The following ATF3 variants were observed in gnomAD, a reference collection of about 807,000 sequenced individuals.
The protein encoded by ATF3 is cyclic AMP-dependent transcription factor ATF-3.
ATF3 carries 10 observed loss-of-function variants against 18.4 expected under a neutral mutation model. The ratio of observed to expected loss-of-function variants is 0.54; its 90% CI spans 0.34 to 0.92. The LOEUF is 0.92. Ranked by LOEUF, ATF3 falls within the 40% of genes least tolerant of loss-of-function variation. The probability of loss-of-function intolerance (pLI) is 0.02; values close to 1 mark genes in which losing one functional copy is unlikely to be tolerated. For missense variants in ATF3, 183 were observed against 222.3 expected (o/e 0.82, Z 1.12); for synonymous variants, 78 against 87.9 (o/e 0.89, Z 0.63).
intron 1 of ATF3, among the ~76,000 whole-genome samples, chr1:212,576,734 T>C (rs1056321804): frequency 1.4e-4 from 19 of 131,794 alleles, no homozygotes; most frequent in African/African-American, 4.8e-4. Flanking sequence ...TTTTTTTTTT[T>C]TTTTTTTTTT....
chr1:212,602,101 C>A, intron 1 of ATF3, among the ~76,000 whole-genome samples: 1 of 135,660 alleles, frequency 7.4e-6, no homozygotes, highest in East Asian at 1.9e-4. Context: ...ATAAGACCTT[C>A]TTAAAACTAA....
chr1:212,607,523 T>C (rs964124560), upstream of ATF3, among the ~76,000 whole-genome samples: 5 of 152,228 alleles, frequency 3.3e-5, no homozygotes, highest in Non-Finnish European at 7.3e-5. Context: ...AGGTCTCAGC[T>C]CGAATCTCGG....
rs571814387 is a variant in ATF3 at position 212,614,029 on chromosome 1, C to T, written c.-4-989C>T. On this transcript the variant is annotated intron_variant, in intron 1 of 3. Transcript: ENST00000341491. ...GGCCATTTGATTTGATGACCCCATC[C>T]CCACTTCATTTATCAGTTGGCCAAT... 7 of 152,230 alleles carry T rather than the reference C, an allele frequency of 4.6e-5. 1 individual carries two copies. The South Asian group carries it at 1.5e-3, about 32-fold the overall frequency. The allele number at this position is 152,230 out of a possible 1,614,324, so 9.4% of individuals were successfully genotyped here. A position where few individuals can be genotyped will look rare whatever the true frequency, so the allele number is the denominator to read the frequency against.
At chr1:212,592,035 A>C (rs1318004227) in intron 1 of ATF3, among the ~76,000 whole-genome samples, 2 of 152,214 alleles carry the variant, frequency 1.3e-5, no homozygotes, top group Non-Finnish European at 2.9e-5. Context: ...AACCATTTGC[A>C]AGTGTACAAT....
chr1:212,610,733 C>A (rs1654860612), intron 1 of ATF3, among the ~76,000 whole-genome samples: 1 of 152,148 alleles, frequency 6.6e-6, no homozygotes, highest in Non-Finnish European at 1.5e-5. Context: ...GTGATTGGTA[C>A]CAGGTGCCAG....
At chr1:212,606,617 GT>G (rs1459902873), upstream of ATF3, among the ~76,000 whole-genome samples, 1 of 152,222 alleles carries the variant, frequency 6.6e-6, no homozygotes, top group African/African-American at 2.4e-5. Flanking sequence ...TGGAATCATA[GT>G]TCAACCTGTA....
At chr1:212,601,855 G>T (rs773028898) in intron 1 of ATF3, among the ~76,000 whole-genome samples, 23 of 152,110 alleles carry the variant, frequency 1.5e-4, no homozygotes, top group Non-Finnish European at 2.9e-4. Flanking sequence ...AGCTTCAAGG[G>T]TAAGGCGTGA....
chr1:212,566,771 C>G (rs767508720), intron 1 of ATF3, among the ~76,000 whole-genome samples: 2 of 152,160 alleles, frequency 1.3e-5, no homozygotes, highest in Non-Finnish European at 2.9e-5. Context: ...GAAGCCCATC[C>G]AGGGTCTGGG....
At chr1:212,603,377 G>T (rs1170961391) in intron 1 of ATF3, among the ~76,000 whole-genome samples, 1 of 152,164 alleles carries the variant, frequency 6.6e-6, no homozygotes, top group Admixed American at 6.6e-5. Flanking sequence ...AAAAGCGCCT[G>T]CAGGATTTTT....
upstream of ATF3, among the ~76,000 whole-genome samples, chr1:212,607,379 A>G (rs988814595): frequency 2.6e-5 from 4 of 152,198 alleles, no homozygotes; most frequent in Admixed American, 6.5e-5. Flanking sequence ...CCCAGGCCAC[A>G]CTTGTGTCTA....
At chr1:212,580,548 C>T (rs960000231) in intron 1 of ATF3, among the ~76,000 whole-genome samples, 1 of 152,070 alleles carries the variant, frequency 6.6e-6, no homozygotes, top group Non-Finnish European at 1.5e-5. Flanking sequence ...AGTGATGATC[C>T]ACCTGTTTTC....
rs1655116137 is a variant in ATF3 at position 212,616,201 on chromosome 1, A to ATAATAATACACTTGACTGTT, written c.240+941_240+942insAATAATACACTTGACTGTTT. 2.0e-5 allele frequency among the ~76,000 whole-genome samples: 3 copies of ATAATAATACACTTGACTGTT among 152,150 alleles called. No homozygotes were observed. The South Asian group carries it at 6.2e-4, about 32-fold the overall frequency. On this transcript the variant is annotated intron_variant, in intron 2 of 3. Transcript: ENST00000341491. ...GGTCTTACAGATTATTATTGTATAG[A>ATAATAATACACTTGACTGTT]TGCAGCCCTGGGCTCAAAGTGAGGT... is the stretch of plus-strand genomic sequence containing the variant.
chr1:212,597,249 G>A (rs1326486300), intron 1 of ATF3, among the ~76,000 whole-genome samples: 4 of 152,016 alleles, frequency 2.6e-5, no homozygotes, highest in African/African-American at 9.7e-5. Flanking sequence ...AGAAAAAAGG[G>A]GCCCTTAGAA....
In ATF3 at chr1:212,619,959, T is replaced by G. The variant is rs1655305800; in HGVS notation, c.*404T>G. 3.7e-6 allele frequency: 1 copy of G among 273,556 alleles called. No individual in the cohort carries two copies. The highest frequency in any genetic ancestry group is 7.2e-6 in the Non-Finnish European group (1 of 138,532). 16.9% of individuals were successfully genotyped at this position (273,556 alleles called of 1,614,324 possible). On this transcript the variant is annotated 3_prime_UTR_variant, in exon 4 of 4. Transcript: ENST00000341491. The surrounding 1 kb of genome is among the most constrained non-coding windows in gnomAD (Gnocchi z 4.4). The stretch of plus-strand genomic sequence containing the variant: ...CCTTCACCGTGGCTACCATTGTCAC[T>G]CGTAGGGGATGTGGAGTGAGAACAG...
rs564406462 is a variant in ATF3, at chr1:212,580,346, G to A, written c.-5+14863G>A. Among the ~76,000 whole-genome samples, 83 of 147,028 alleles carry A rather than the reference G, an allele frequency of 5.6e-4. No individual in the cohort carries two copies. In the South Asian group the frequency reaches 0.01, roughly 18 times the overall value. On this transcript the variant is annotated intron_variant, in intron 1 of 3. Transcript: ENST00000366981. ...TTTCCACTTTTTTTTTTTTTGAGAT[G>A]GAGTCTTGCTCTGTTGCCCGTGCAG...
At chr1:212,574,612 G>A (rs1664541331) in intron 1 of ATF3, among the ~76,000 whole-genome samples, 1 of 151,928 alleles carries the variant, frequency 6.6e-6, no homozygotes, top group African/African-American at 2.4e-5. Context: ...ATGATAATGA[G>A]TGTATCTTCC....
chr1:212,611,246 A>G (rs1034373667), intron 1 of ATF3, among the ~76,000 whole-genome samples: 4 of 152,348 alleles, frequency 2.6e-5, no homozygotes, highest in East Asian at 1.9e-4. Flanking sequence ...CTTGGGGTCA[A>G]TGAGAGTACA....
intron 2 of ATF3, among the ~76,000 whole-genome samples, chr1:212,617,566 G>C (rs1655181402): frequency 6.6e-6 from 1 of 152,176 alleles, no homozygotes; most frequent in African/African-American, 2.4e-5. Flanking sequence ...GCTTTGGTTG[G>C]GAATGGGCTT....
intron 1 of ATF3, among the ~76,000 whole-genome samples, chr1:212,597,679 AC>A (rs558921421): frequency 1.3e-5 from 2 of 152,210 alleles, no homozygotes; most frequent in Admixed American, 1.3e-4. Context: ...TCAGAGAGGG[AC>A]CTCAGGTTTC....
Sources: gnomAD v4.1 joint callset for allele counts (sites outside exome capture counted in the v4.1 genomes callset) on GRCh38, gnomAD v4.1.1 for gene constraint, Gnocchi (gnomAD v3.1) non-coding constraint, MANE v1.5 for transcripts, NCBI Gene and HGNC (gene_info 2026-07-23, HGNC 2026-07-21) for gene names.